ST6GALNAC5: variants seen among roughly 807,000 people sequenced by gnomAD.
The protein encoded by ST6GALNAC5 is ST6 N-acetylgalactosaminide alpha-2,6-sialyltransferase 5.
Under a neutral mutation model 33.6 loss-of-function variants are expected in ST6GALNAC5, and 27 were observed. The ratio of observed to expected loss-of-function variants is 0.80; its 90% CI spans 0.59 to 1.11. The LOEUF is 1.11. ST6GALNAC5 is among the 50% of genes least tolerant of loss of function. ST6GALNAC5 has a pLI of 0.00. For synonymous variants in ST6GALNAC5, 194 were observed against 171.2 expected, an observed-to-expected ratio of 1.13 and a Z score of -1.04; for missense variants, 428 against 454.0, an observed-to-expected ratio of 0.94 and a Z score of 0.52.
chr1:76,881,339 C>T (rs1255776055), intron 2 of ST6GALNAC5, among the ~76,000 whole-genome samples: 3 of 152,132 alleles, frequency 2.0e-5, no homozygotes, highest in African/African-American at 4.8e-5. Context: ...CTGTTCTATT[C>T]AATATGTCTT....
At chr1:76,885,736 T>C (rs781035686) in intron 2 of ST6GALNAC5, among the ~76,000 whole-genome samples, 2 of 152,236 alleles carry the variant, frequency 1.3e-5, no homozygotes, top group African/African-American at 4.8e-5. Flanking sequence ...AAAAACCCCT[T>C]TCTTTCCCTG....
chr1:77,021,156 A>G (rs1044236908), intron 2 of ST6GALNAC5, among the ~76,000 whole-genome samples: 70 of 152,242 alleles, frequency 4.6e-4, no homozygotes, highest in Non-Finnish European at 1.0e-4. Flanking sequence ...TGAGGAGATG[A>G]AAAACTTCAA....
rs147525937 is a variant in ST6GALNAC5 at position 77,013,539 on chromosome 1, T to C, written c.262-30665T>C. Among the ~76,000 whole-genome samples the C allele has an allele frequency of 1.4e-3, 220 of 152,334 alleles. 1 individual carries two copies. Among genetic ancestry groups the C allele is most frequent in the Non-Finnish European group, 2.3e-3 (157 of 68,026 alleles). ...ACCATCCTCTCCTAACCTGCAGTCA[T>C]GTTACGATTTGTTTTCTCCTAGTCT... On this transcript the variant is annotated intron_variant, in intron 2 of 4. Coordinates refer to ENST00000477717, the MANE Select transcript of ST6GALNAC5 (RefSeq NM_030965.3).
At chr1:77,016,202 TCC>T (rs1396000506) in intron 2 of ST6GALNAC5, among the ~76,000 whole-genome samples, 1 of 54,028 alleles carries the variant, frequency 1.9e-5, no homozygotes, top group Non-Finnish European at 3.4e-5. Flanking sequence ...CTGTATCTCC[TCC>T]CCCTCCTCCT....
At chr1:77,001,633 C>T (rs1224903577) in intron 2 of ST6GALNAC5, among the ~76,000 whole-genome samples, 20 of 152,032 alleles carry the variant, frequency 1.3e-4, no homozygotes, top group African/African-American at 1.9e-4. Flanking sequence ...GTGAGTTTGT[C>T]GTAGATAGCT....
At chr1:76,906,187 T>C (rs2100272744) in intron 2 of ST6GALNAC5, among the ~76,000 whole-genome samples, 1 of 152,312 alleles carries the variant, frequency 6.6e-6, no homozygotes, top group East Asian at 1.9e-4. Context: ...CCAACACTTC[T>C]TTCTGCTGGG....
intron 2 of ST6GALNAC5, among the ~76,000 whole-genome samples, chr1:77,039,327 G>A (rs368858470): frequency 1.3e-4 from 20 of 152,250 alleles, no homozygotes; most frequent in Non-Finnish European, 2.6e-4. Flanking sequence ...ACTGTGTCCC[G>A]GGCCATTTTC....
chr1:76,997,824 C>A (rs1364675156), intron 2 of ST6GALNAC5, among the ~76,000 whole-genome samples: 1 of 152,116 alleles, frequency 6.6e-6, no homozygotes, highest in Non-Finnish European at 1.5e-5. Flanking sequence ...CATAGCGAGA[C>A]CCCATCTGAT....
chr1:76,872,088 C>T (rs1307563562), intron 2 of ST6GALNAC5, among the ~76,000 whole-genome samples: 1 of 146,132 alleles, frequency 6.8e-6, no homozygotes, highest in Non-Finnish European at 1.5e-5. Context: ...CACACACACA[C>T]ACACACACAC....
rs1190529403 is a variant in ST6GALNAC5 at position 76,938,368 on chromosome 1, T to C, written c.261+69626T>C. On this transcript the variant is annotated intron_variant, in intron 2 of 4. Coordinates refer to ENST00000477717, the MANE Select transcript of ST6GALNAC5 (RefSeq NM_030965.3). ...GGAGACATGCTGAAAGAGTTTTCTTTGTATGGCAAGGAACACTTAAACGTA... is the reference window on the plus strand; with the variant it reads ...GGAGACATGCTGAAAGAGTTTTCTTCGTATGGCAAGGAACACTTAAACGTA... Among the ~76,000 whole-genome samples the C allele has an allele frequency of 2.0e-5, 3 of 152,054 alleles. No individual in the cohort carries two copies. The East Asian group carries it at 5.8e-4, about 29-fold the overall frequency.
At chr1:76,954,629 T>C (rs902021769) in intron 2 of ST6GALNAC5, among the ~76,000 whole-genome samples, 1 of 152,168 alleles carries the variant, frequency 6.6e-6, no homozygotes, top group African/African-American at 2.4e-5. Flanking sequence ...GTAGCATTAG[T>C]ATCATTTTGT....
chr1:76,979,149 G>A (rs967379336), intron 2 of ST6GALNAC5, among the ~76,000 whole-genome samples: 3 of 152,048 alleles, frequency 2.0e-5, no homozygotes, highest in Non-Finnish European at 4.4e-5. Flanking sequence ...AAGGTAACAT[G>A]TGATTATGGA....
intron 2 of ST6GALNAC5, among the ~76,000 whole-genome samples, chr1:76,890,466 T>C (rs10449705): frequency 0.056 from 8,559 of 152,106 alleles, 637 homozygotes; most frequent in African/African-American, 0.17. Context: ...ATGCAAAGCT[T>C]TAGGTTAAAG....
chr1:76,986,558 TTGG>T (rs1570740327), intron 2 of ST6GALNAC5, among the ~76,000 whole-genome samples: 1 of 152,312 alleles, frequency 6.6e-6, no homozygotes. Context: ...TTTTACACTG[TTGG>T]TGGGAGTGTA....
intron 2 of ST6GALNAC5, among the ~76,000 whole-genome samples, chr1:77,037,941 G>A (rs1651705817): frequency 1.3e-5 from 2 of 152,198 alleles, no homozygotes; most frequent in Non-Finnish European, 2.9e-5. Flanking sequence ...GGTAGAAGGT[G>A]CACCATTACT....
At chr1:76,997,695 A>C (rs1226257823) in intron 2 of ST6GALNAC5, among the ~76,000 whole-genome samples, 2 of 152,194 alleles carry the variant, frequency 1.3e-5, no homozygotes, top group Non-Finnish European at 2.9e-5. Flanking sequence ...TTCTAGATTG[A>C]AGCTAGCATA....
intron 2 of ST6GALNAC5, among the ~76,000 whole-genome samples, chr1:77,033,728 T>C (rs1232907231): frequency 6.6e-6 from 1 of 152,162 alleles, no homozygotes; most frequent in Middle Eastern, 3.4e-3. Context: ...AAGCAAAGGC[T>C]GGAGACCAGA....
At chr1:76,994,192 T>C (rs1020507343) in intron 2 of ST6GALNAC5, among the ~76,000 whole-genome samples, 2 of 152,226 alleles carry the variant, frequency 1.3e-5, no homozygotes, top group African/African-American at 4.8e-5. Context: ...CTATTTTGAT[T>C]GACACCAAAA....
chr1:76,868,328 G>A lies in ST6GALNAC5; in HGVS notation c.16-169G>A, dbSNP rs1239286230. ...GCGCCCGGAGCATCCCTTGCGATAC[G>A]CTAGGGGACGGTGCTTTCTCTGTCC... is the stretch of plus-strand genomic sequence containing the variant. On this transcript the variant is annotated intron_variant, in intron 1 of 4. Coordinates refer to ENST00000477717, the MANE Select transcript of ST6GALNAC5 (RefSeq NM_030965.3). This position sits in a 1 kb window ranked among gnomAD's most constrained non-coding sequence, Gnocchi z 4.3. Among the ~76,000 whole-genome samples, 1 of 152,034 alleles carries A rather than the reference G, an allele frequency of 6.6e-6. No homozygotes were observed. Among genetic ancestry groups the A allele is most frequent in the African/African-American group, 2.4e-5 (1 of 41,422 alleles).
Sources: allele counts gnomAD v4.1 joint callset (sites outside exome capture counted in the v4.1 genomes callset), GRCh38; gene constraint gnomAD v4.1.1; non-coding constraint Gnocchi (gnomAD v3.1); transcripts MANE v1.5; gene names NCBI Gene and HGNC (gene_info 2026-07-23, HGNC 2026-07-21).